The following CUL1 variants were observed in gnomAD, a reference collection of about 807,000 sequenced individuals.
CUL1 encodes cullin 1.
Under a neutral mutation model 118.0 loss-of-function variants are expected in CUL1, and 24 were observed. The observed-to-expected ratio is 0.20, with a 90% confidence interval of 0.15 to 0.29. CUL1 has a LOEUF of 0.29. Among genes scored for constraint, CUL1 ranks in the 10% least tolerant of loss-of-function variants. The probability of loss-of-function intolerance (pLI) is 1.00; values close to 1 mark genes in which losing one functional copy is unlikely to be tolerated. For synonymous variants in CUL1, 332 were observed against 340.4 expected, an observed-to-expected ratio of 0.98 and a Z score of 0.27; for missense variants, 361 against 933.8, an observed-to-expected ratio of 0.39 and a Z score of 7.99.
At chr7:148,755,419 T>C (rs975260393) in intron 3 of CUL1, among the ~76,000 whole-genome samples, 5 of 152,248 alleles carry the variant, frequency 3.3e-5, no homozygotes, top group Non-Finnish European at 7.3e-5. Context: ...TGCTGCAAAA[T>C]TGTTTTACCT....
chr7:148,699,529 T>C (rs1336191567), intron 1 of CUL1, among the ~76,000 whole-genome samples: 1 of 152,082 alleles, frequency 6.6e-6, no homozygotes, highest in African/African-American at 2.4e-5. Context: ...GGCCGACGCG[T>C]GTTCCCCTGT....
Position 148,792,837 on chromosome 7 carries a change from C to T in CUL1, c.1899+19C>T, listed in dbSNP as rs1277616393. On this transcript the variant is annotated intron_variant, in intron 17 of 21. Transcript: ENST00000325222. ...TAAAATGGTATTCTCATCTCAGGCT[C>T]GTTGTTCTATCAGCTTGCCGTTTCC... The T allele has an allele frequency of 3.8e-6, 6 of 1,572,746 alleles. No individual in the cohort carries two copies. Among genetic ancestry groups the T allele is most frequent in the South Asian group, 1.1e-5 (1 of 88,452 alleles).
chr7:148,799,243 A>T, intron 20 of CUL1, 32 bp from the exon 21 acceptor site: 1 of 1,534,974 alleles, frequency 6.5e-7, no homozygotes, highest in Non-Finnish European at 9.0e-7. Flanking sequence ...ACAGCTCTAA[A>T]TGCACTTCTT....
upstream of CUL1, chr7:148,698,469 AC>A (rs1318617660): frequency 6.6e-6 from 1 of 151,846 alleles, no homozygotes; most frequent in Non-Finnish European, 1.5e-5. Flanking sequence ...AGGCTGTAAA[AC>A]CTGGCAGAGA....
At chr7:148,748,097 A>G (rs1381392829) in intron 2 of CUL1, among the ~76,000 whole-genome samples, 1 of 152,228 alleles carries the variant, frequency 6.6e-6, no homozygotes, top group Non-Finnish European at 1.5e-5. Context: ...CTATAAGGGA[A>G]CAAGTAAACT....
intron 3 of CUL1, among the ~76,000 whole-genome samples, chr7:148,754,891 CA>C (rs1799607756): frequency 6.6e-6 from 1 of 151,862 alleles, no homozygotes; most frequent in Admixed American, 6.6e-5. Context: ...GGACTACTGG[CA>C]TGTACCACCA....
chr7:148,800,417 G>A lies in CUL1; in HGVS notation c.2251-85G>A. The A allele has an allele frequency of 9.3e-7, 1 of 1,075,912 alleles. No individual in the cohort carries two copies. The highest frequency in any genetic ancestry group is 1.4e-6 in the Non-Finnish European group (1 of 707,254). 66.6% of individuals were successfully genotyped at this position (1,075,912 alleles called of 1,614,324 possible). A position where few individuals can be genotyped will look rare whatever the true frequency, so the allele number is the denominator to read the frequency against. On this transcript the variant is annotated intron_variant, in intron 21 of 21. Coordinates refer to ENST00000325222, the MANE Select transcript of CUL1 (RefSeq NM_003592.3). The surrounding 1 kb of genome is among the most constrained non-coding windows in gnomAD (Gnocchi z 4.6). Reference sequence around the variant, plus strand: ...AGCTCCGAATCAGGGGAGATTTGTGGTGGGGGCAGCCTCTCTCTGTTCTGA... The same window carrying A: ...AGCTCCGAATCAGGGGAGATTTGTGATGGGGGCAGCCTCTCTCTGTTCTGA...
chr7:148,706,383 G>A (rs1194254813), intron 1 of CUL1, among the ~76,000 whole-genome samples: 2 of 152,144 alleles, frequency 1.3e-5, no homozygotes, highest in Non-Finnish European at 2.9e-5. Flanking sequence ...ACAGAAGGCT[G>A]TCTAATGCAG....
chr7:148,701,235 T>G (rs1447999848), intron 1 of CUL1, among the ~76,000 whole-genome samples: 1 of 152,122 alleles, frequency 6.6e-6, no homozygotes, highest in East Asian at 1.9e-4. Context: ...GAAAACACAG[T>G]CGTTGTGCTT....
At chr7:148,725,209 ACACGCGCGCGCT>A (rs1391505137) in intron 1 of CUL1, among the ~76,000 whole-genome samples, 15 of 140,464 alleles carry the variant, frequency 1.1e-4, no homozygotes, top group African/African-American at 3.4e-4. Context: ...ACACACACAC[ACACGCGCGCGCT>A]CACACACACA....
intron 2 of CUL1, among the ~76,000 whole-genome samples, chr7:148,753,659 G>A (rs2129460342): frequency 6.6e-6 from 1 of 152,224 alleles, no homozygotes; most frequent in Middle Eastern, 3.4e-3. Flanking sequence ...TTTCTTTTGG[G>A]ACAGTTTTCC....
chr7:148,779,563 G>A (rs141801729), intron 9 of CUL1, among the ~76,000 whole-genome samples: 7 of 152,210 alleles, frequency 4.6e-5, no homozygotes, highest in African/African-American at 1.7e-4. Flanking sequence ...AAGGCAGCAT[G>A]GGCTGGCCAG....
chr7:148,765,321 A>G (rs1401051915), intron 7 of CUL1, among the ~76,000 whole-genome samples: 3 of 152,238 alleles, frequency 2.0e-5, no homozygotes, highest in South Asian at 2.1e-4. Context: ...GATTTCTCCA[A>G]AATTATACCA....
chr7:148,790,679 G>A (rs906495423), intron 16 of CUL1, among the ~76,000 whole-genome samples: 7 of 152,142 alleles, frequency 4.6e-5, no homozygotes, highest in Admixed American at 1.3e-4. Context: ...TAATGGGAGT[G>A]TTAGTACTTT....
chr7:148,783,677 T>C (rs756572478), intron 9 of CUL1, 106 bp from the exon 10 acceptor site: 2 of 1,563,688 alleles, frequency 1.3e-6, no homozygotes, highest in South Asian at 2.3e-5. Flanking sequence ...AAAAGGTATC[T>C]ATAGCTTTTA....
intron 11 of CUL1, among the ~76,000 whole-genome samples, chr7:148,785,047 C>G (rs1404014462): frequency 2.6e-5 from 4 of 152,188 alleles, no homozygotes; most frequent in Non-Finnish European, 5.9e-5. Context: ...CATGTACCAA[C>G]TATGTGACCT....
At chr7:148,718,723 T>A (rs1416146924) in intron 1 of CUL1, among the ~76,000 whole-genome samples, 1 of 152,176 alleles carries the variant, frequency 6.6e-6, no homozygotes, top group African/African-American at 2.4e-5. Context: ...GTATGATTTT[T>A]TTTGTTTTTG....
chr7:148,762,178 T>C (rs932084775), intron 7 of CUL1, among the ~76,000 whole-genome samples: 4 of 152,210 alleles, frequency 2.6e-5, no homozygotes, highest in Non-Finnish European at 4.4e-5. Context: ...CCCTGTTCAC[T>C]TGGAGTATGA....
At chr7:148,766,467 C>A in intron 7 of CUL1, 94 bp from the exon 8 acceptor site, 1 of 1,088,972 alleles carries the variant, frequency 9.2e-7, no homozygotes, top group Non-Finnish European at 1.3e-6. Context: ...ATTTAATTTG[C>A]CATTTTTCAG....
Sources: allele counts gnomAD v4.1 joint callset (sites outside exome capture counted in the v4.1 genomes callset), GRCh38; gene constraint gnomAD v4.1.1; non-coding constraint Gnocchi (gnomAD v3.1); transcripts MANE v1.5; gene names NCBI Gene and HGNC (gene_info 2026-07-23, HGNC 2026-07-21).